Variants in MTMR12 observed in about 807,000 individuals in gnomAD.
The protein encoded by MTMR12 is myotubularin-related protein 12.
Under a neutral mutation model 96.7 loss-of-function variants are expected in MTMR12, and 33 were observed. That is an observed-to-expected ratio of 0.34 (90% CI 0.26 to 0.46). MTMR12 has a LOEUF of 0.46. MTMR12 is among the 20% of genes least tolerant of loss of function. The pLI, the probability that MTMR12 is intolerant of heterozygous loss-of-function variation, is 1.00. For synonymous variants in MTMR12, 298 were observed against 327.2 expected, an observed-to-expected ratio of 0.91 and a Z score of 0.96; for missense variants, 721 against 896.1, an observed-to-expected ratio of 0.80 and a Z score of 2.49.
chr5:32,241,941 A>G (rs1030809351), intron 12 of MTMR12, 116 bp downstream of exon 12: 11 of 810,308 alleles, frequency 1.4e-5, no homozygotes, highest in Non-Finnish European at 1.9e-5. Flanking sequence ...AGGAATAGGA[A>G]GGATTTCTAC....
intron 1 of MTMR12, among the ~76,000 whole-genome samples, chr5:32,278,473 A>G (rs1750145383): frequency 6.6e-6 from 1 of 152,126 alleles, no homozygotes; most frequent in African/African-American, 2.4e-5. Flanking sequence ...AAACTTGGGT[A>G]CAGCCTATCT....
chr5:32,276,565 A>T lies in MTMR12; in HGVS notation c.142+117T>A. 5 of 815,790 alleles carry T rather than the reference A, an allele frequency of 6.1e-6. No homozygotes were observed. In the Admixed American group the frequency reaches 8.0e-5, roughly 13 times the overall value. 50.5% of individuals were successfully genotyped at this position (815,790 alleles called of 1,614,324 possible). ...CCTTGATATGTTTTTTCAATTCATT[A>T]CTGTTATATGTGAGAAGATGAAAAC... On this transcript the variant is annotated intron_variant, in intron 2 of 15. Transcript: ENST00000382142.
At chr5:32,308,581 C>G (rs1198284597) in intron 1 of MTMR12, among the ~76,000 whole-genome samples, 3 of 151,994 alleles carry the variant, frequency 2.0e-5, no homozygotes, top group Non-Finnish European at 4.4e-5. Flanking sequence ...AATACATTGC[C>G]TTCTCACCCC....
chr5:32,263,869 C>T (rs1749479824), intron 6 of MTMR12, among the ~76,000 whole-genome samples: 1 of 152,222 alleles, frequency 6.6e-6, no homozygotes, highest in South Asian at 2.1e-4. Flanking sequence ...AAAAGACAGG[C>T]TTGGCACAAA....
At chr5:32,269,646 A>G (rs1373821119) in intron 5 of MTMR12, among the ~76,000 whole-genome samples, 1 of 152,152 alleles carries the variant, frequency 6.6e-6, no homozygotes, top group African/African-American at 2.4e-5. Flanking sequence ...TTCTAGGGAA[A>G]ATTTTAAAAC....
chr5:32,253,443 T>G (rs778481246), intron 8 of MTMR12, among the ~76,000 whole-genome samples: 1 of 152,234 alleles, frequency 6.6e-6, no homozygotes, highest in Admixed American at 6.5e-5. Flanking sequence ...AATTTTATGT[T>G]AAAAGAAAAG....
chr5:32,297,047 G>A (rs1221653362), intron 1 of MTMR12, among the ~76,000 whole-genome samples: 1 of 150,734 alleles, frequency 6.6e-6, no homozygotes, highest in Non-Finnish European at 1.5e-5. Context: ...AGCTTGCAGT[G>A]AGCCGAGATC....
At chr5:32,268,119 C>T (rs1749679670) in intron 6 of MTMR12, among the ~76,000 whole-genome samples, 1 of 152,140 alleles carries the variant, frequency 6.6e-6, no homozygotes, top group South Asian at 2.1e-4. Context: ...GCATGAGCAA[C>T]TGTATCTGGA....
chr5:32,240,121 C>A (rs2111998053), intron 12 of MTMR12, among the ~76,000 whole-genome samples: 1 of 152,286 alleles, frequency 6.6e-6, no homozygotes, highest in Admixed American at 6.5e-5. Context: ...GAATTGTAGG[C>A]CGGGCGCGGT....
chr5:32,231,649 A>G (rs1187259566), intron 15 of MTMR12, among the ~76,000 whole-genome samples: 1 of 152,206 alleles, frequency 6.6e-6, no homozygotes, highest in East Asian at 1.9e-4. Context: ...TGAAATATGG[A>G]ATAACAATAA....
chr5:32,255,877 G>T, intron 7 of MTMR12, 109 bp from the exon 8 acceptor site: 1 of 947,754 alleles, frequency 1.1e-6, no homozygotes. Flanking sequence ...AAGCAGATGG[G>T]ACCATATTTC....
At position 32,230,027 on chromosome 5, in the gene MTMR12, C is replaced by T; in HGVS notation, c.1995G>A (p.Leu665=). ...AACTCTGGACTTCCTCCATCATTTC[C>T]AAGAGTTTGCTCAGAGTGGCCACTT... ...GGQVATLSKL[L]EMMEEVQSLQ... is the part of the protein sequence containing the mutation. Residue 665 remains leucine, a synonymous_variant, in exon 16 of 16, where the codon TTG becomes TTA. Transcript: ENST00000382142. 1 of 1,613,658 alleles carries T rather than the reference C, an allele frequency of 6.2e-7. No homozygotes were observed. The highest frequency in any genetic ancestry group is 8.5e-7 in the Non-Finnish European group (1 of 1,179,588).
At chr5:32,235,755 A>AC (rs1207567275) in intron 13 of MTMR12, among the ~76,000 whole-genome samples, 1 of 152,240 alleles carries the variant, frequency 6.6e-6, no homozygotes, top group Non-Finnish European at 1.5e-5. Flanking sequence ...TTACAAATCC[A>AC]CAAGCCTCAT....
intron 10 of MTMR12, among the ~76,000 whole-genome samples, chr5:32,246,092 T>A (rs1211805380): frequency 6.6e-6 from 1 of 152,146 alleles, no homozygotes; most frequent in African/African-American, 2.4e-5. Context: ...TCCCACTTAT[T>A]TAAAATTTCT....
chr5:32,271,909 G>A lies in MTMR12; in HGVS notation c.286-4C>T. ...CCTTATTCTTAAATTGAGTTTCCTA[G>A]AAGATTCAAAAGGAAACAACTGTGA... On this transcript the variant is annotated splice_polypyrimidine_tract_variant and splice_region_variant and intron_variant, in intron 3 of 15. Coordinates refer to ENST00000382142, the MANE Select transcript of MTMR12 (RefSeq NM_001040446.3). 1.3e-6 allele frequency: 2 copies of A among 1,522,632 alleles called. No individual in the cohort carries two copies. Among genetic ancestry groups the A allele is most frequent in the Non-Finnish European group, 1.8e-6 (2 of 1,112,944 alleles). 94.3% of individuals were successfully genotyped at this position (1,522,632 alleles called of 1,614,324 possible).
chr5:32,278,816 G>A (rs932752768), intron 1 of MTMR12, among the ~76,000 whole-genome samples: 1 of 152,052 alleles, frequency 6.6e-6, no homozygotes, highest in African/African-American at 2.4e-5. Flanking sequence ...GGTGGCTCAC[G>A]CCTGTAATCC....
intron 10 of MTMR12, among the ~76,000 whole-genome samples, chr5:32,245,806 C>T (rs1296093679): frequency 6.6e-6 from 1 of 151,676 alleles, no homozygotes; most frequent in Non-Finnish European, 1.5e-5. Flanking sequence ...CCAGCCTGGG[C>T]AACAGAGTGA....
intron 1 of MTMR12, among the ~76,000 whole-genome samples, chr5:32,279,209 C>A (rs116701463): frequency 2.0e-5 from 3 of 149,936 alleles, no homozygotes; most frequent in African/African-American, 7.4e-5. Flanking sequence ...GAATTTGAGA[C>A]GGGCTTAGGA....
chr5:32,301,357 T>C lies in MTMR12; in HGVS notation c.81+11401A>G, dbSNP rs547468609. ...AGATTCCCTTCTTTAACTAGCAAGA[T>C]ACCCAATACCACAGACTGACTGACC... On this transcript the variant is annotated intron_variant, in intron 1 of 15. Coordinates refer to ENST00000382142, the MANE Select transcript of MTMR12 (RefSeq NM_001040446.3). Among the ~76,000 whole-genome samples the C allele has an allele frequency of 7.9e-5, 12 of 152,280 alleles. 1 individual carries two copies. The South Asian group carries it at 1.5e-3, about 18-fold the overall frequency.
Sources: gnomAD v4.1 joint callset for allele counts (sites outside exome capture counted in the v4.1 genomes callset) on GRCh38, gnomAD v4.1.1 for gene constraint, MANE v1.5 for transcripts, NCBI Gene and HGNC (gene_info 2026-07-23, HGNC 2026-07-21) for gene names.